The following ZNF445 variants were observed in gnomAD, a reference collection of about 807,000 sequenced individuals.
ZNF445 encodes zinc finger protein 445.
A neutral mutation model predicts 93.9 loss-of-function variants in ZNF445; 19 were observed. That is an observed-to-expected ratio of 0.20 (90% confidence interval 0.14 to 0.30). ZNF445 has a LOEUF of 0.30. ZNF445 is among the 10% of genes least tolerant of loss of function. ZNF445 has a pLI of 1.00. For missense variants in ZNF445, 1,058 were observed against 1,259.4 expected (o/e 0.84, Z 2.42); for synonymous variants, 449 against 446.3 (o/e 1.01, Z -0.08).
rs1697556803 is a variant in ZNF445, at chr3:44,431,881, AATGAAT to A, written c.*14688_*14693del. On this transcript the variant is annotated 3_prime_UTR_variant, in exon 8 of 8. Transcript: ENST00000396077. ...AACAACCACAGACAATATGTAAATG[AATGAAT>A]ATATCTGAAGATTATATGAAATTTA... 1 of 152,212 alleles carries A rather than the reference AATGAAT, an allele frequency of 6.6e-6. No individual in the cohort carries two copies. Among genetic ancestry groups the A allele is most frequent in the African/African-American group, 2.4e-5 (1 of 41,444 alleles). 9.4% of individuals were successfully genotyped at this position (152,212 alleles called of 1,614,324 possible).
At position 44,434,069 on chromosome 3, in the gene ZNF445, A is replaced by C. The variant is rs1178513390; in HGVS notation, c.*12506T>G. The C allele has an allele frequency of 6.6e-6, 1 of 152,144 alleles. No homozygotes were observed. The highest frequency in any genetic ancestry group is 1.5e-5 in the Non-Finnish European group (1 of 68,026). The allele number at this position is 152,144 out of a possible 1,614,324, so 9.4% of individuals were successfully genotyped here. A position where few individuals can be genotyped will look rare whatever the true frequency, so the allele number is the denominator to read the frequency against. On this transcript the variant is annotated 3_prime_UTR_variant, in exon 8 of 8. Coordinates refer to ENST00000396077, the MANE Select transcript of ZNF445 (RefSeq NM_181489.6). ...TTATGTGATTCAGAAAATCACATACAAAATTGTCTCGTGTCCCTTTTAAAC... is the reference window on the plus strand; with the variant it reads ...TTATGTGATTCAGAAAATCACATACCAAATTGTCTCGTGTCCCTTTTAAAC...
At chr3:44,462,254 T>C (rs551648534) in intron 1 of ZNF445, among the ~76,000 whole-genome samples, 1 of 152,314 alleles carries the variant, frequency 6.6e-6, no homozygotes, top group South Asian at 2.1e-4. Context: ...ACCAATATTG[T>C]ATGAAATTTC....
At position 44,448,734 on chromosome 3, in the gene ZNF445, C is replaced by A; in HGVS notation, c.937G>T (p.Asp313Tyr). ...GNPVAAPTGD[D>Y]LQSKTNKFIL... ...AATTTGTTTGTTTTACTCTGGAGGTCATCTCCTGACAAAAAATATAACACA... is the reference window on the plus strand; with the variant it reads ...AATTTGTTTGTTTTACTCTGGAGGTAATCTCCTGACAAAAAATATAACACA... The change falls in exon 8 of 8, where the codon GAC becomes TAC. Residue 313 changes from aspartate (D) to tyrosine (Y), a missense_variant. Transcript: ENST00000396077. 6.2e-7 allele frequency: 1 copy of A among 1,607,384 alleles called. No individual in the cohort carries two copies. Among genetic ancestry groups the A allele is most frequent in the South Asian group, 1.1e-5 (1 of 89,730 alleles).
chr3:44,438,703 CAT>C lies in ZNF445; in HGVS notation c.*7870_*7871del, dbSNP rs1429071237. The stretch of plus-strand genomic sequence containing the variant: ...ATGCAGCCATAAAAAATGATGAGTT[CAT>C]GTCCTTTGTAGGGACATGGATGAAG... On this transcript the variant is annotated 3_prime_UTR_variant, in exon 8 of 8. Transcript: ENST00000396077. The C allele has an allele frequency of 6.6e-6, 1 of 151,848 alleles. No homozygotes were observed. The highest frequency in any genetic ancestry group is 1.5e-5 in the Non-Finnish European group (1 of 67,980). The allele number at this position is 151,848 out of a possible 1,614,324, so 9.4% of individuals were successfully genotyped here. A position where few individuals can be genotyped will look rare whatever the true frequency, so the allele number is the denominator to read the frequency against.
rs1284061837 is a variant in ZNF445 at position 44,436,194 on chromosome 3, G to C, written c.*10381C>G. On this transcript the variant is annotated 3_prime_UTR_variant, in exon 8 of 8. Coordinates refer to ENST00000396077, the MANE Select transcript of ZNF445 (RefSeq NM_181489.6). ...AGATCTGGAGCTTTCCTACTTACTCGGATCAAGTAAAACTTTAGTAGGCAG... is the reference window on the plus strand; with the variant it reads ...AGATCTGGAGCTTTCCTACTTACTCCGATCAAGTAAAACTTTAGTAGGCAG... The C allele has an allele frequency of 6.6e-6, 1 of 152,104 alleles. No individual in the cohort carries two copies. Among genetic ancestry groups the C allele is most frequent in the African/African-American group, 2.4e-5 (1 of 41,420 alleles). The allele number at this position is 152,104 out of a possible 1,614,324, so 9.4% of individuals were successfully genotyped here.
At position 44,440,253 on chromosome 3, in the gene ZNF445, G is replaced by A. The variant is rs879104776; in HGVS notation, c.*6322C>T. On this transcript the variant is annotated 3_prime_UTR_variant, in exon 8 of 8. Coordinates refer to ENST00000396077, the MANE Select transcript of ZNF445 (RefSeq NM_181489.6). ...AAAATCTCCTTGCTGTTCTTAGCAG[G>A]GTTAACATTAACTTTAAAAGGTGTG... 1 of 152,120 alleles carries A rather than the reference G, an allele frequency of 6.6e-6. No individual in the cohort carries two copies. The highest frequency in any genetic ancestry group is 1.5e-5 in the Non-Finnish European group (1 of 68,030). 9.4% of individuals were successfully genotyped at this position (152,120 alleles called of 1,614,324 possible).
At chr3:44,470,253 G>A (rs1302387375) in intron 1 of ZNF445, among the ~76,000 whole-genome samples, 2 of 152,186 alleles carry the variant, frequency 1.3e-5, no homozygotes, top group African/African-American at 4.8e-5. Context: ...GCCAAGTAAG[G>A]AGAGAGAAAC....
At chr3:44,451,082 C>A in intron 4 of ZNF445, 120 bp from the exon 5 acceptor site, 1 of 1,017,890 alleles carries the variant, frequency 9.8e-7, no homozygotes, top group Non-Finnish European at 1.4e-6. Context: ...TTGTTAAATA[C>A]CCATCTCACA....
chr3:44,454,215 G>GA (rs980953987), intron 3 of ZNF445, among the ~76,000 whole-genome samples: 61 of 144,852 alleles, frequency 4.2e-4, no homozygotes, highest in East Asian at 3.4e-3. Context: ...GAAAAGAAAA[G>GA]AAAAAAAAAA....
At chr3:44,453,435 C>T (rs1369430063) in intron 3 of ZNF445, among the ~76,000 whole-genome samples, 1 of 151,968 alleles carries the variant, frequency 6.6e-6, no homozygotes, top group East Asian at 1.9e-4. Context: ...GCTGGGTCTA[C>T]AGGTGCACAC....
rs1479079561 is a variant in ZNF445, at chr3:44,455,512, T to C, written c.38A>G (p.Gln13Arg). 6.2e-7 allele frequency: 1 copy of C among 1,609,634 alleles called. No homozygotes were observed. Among genetic ancestry groups the C allele is most frequent in the African/African-American group, 1.3e-5 (1 of 74,880 alleles). Residue 13 changes from glutamine to arginine, a missense_variant, in exon 3 of 8, where the codon CAG becomes CGG. Around this residue, in one of 3 missense-constraint regions of ZNF445, gnomAD observed 657 missense variants for 746.4 expected, o/e 0.88. Transcript: ENST00000396077. ...PGRWHAAYPAQAQSSRERGRL... is the reference protein window; with the variant it reads ...PGRWHAAYPARAQSSRERGRL... Reference sequence around the variant, plus strand: ...CCCTCGCTCCCTCGAAGACTGGGCCTGAGCTGGATAGGCAGCATGCCACCT... The same window carrying C: ...CCCTCGCTCCCTCGAAGACTGGGCCCGAGCTGGATAGGCAGCATGCCACCT...
In ZNF445 at chr3:44,437,401, T is replaced by C. The variant is rs999526940; in HGVS notation, c.*9174A>G. 2 of 152,078 alleles carry C rather than the reference T, an allele frequency of 1.3e-5. No homozygotes were observed. Among genetic ancestry groups the C allele is most frequent in the Non-Finnish European group, 2.9e-5 (2 of 68,038 alleles). The allele number at this position is 152,078 out of a possible 1,614,324, so 9.4% of individuals were successfully genotyped here. Reference sequence around the variant, plus strand: ...CCAGTAGGTCTCAGCCTCATTTTGTTACAGGAAAGGGGTCCCGATCCAGAC... The same window carrying C: ...CCAGTAGGTCTCAGCCTCATTTTGTCACAGGAAAGGGGTCCCGATCCAGAC... On this transcript the variant is annotated 3_prime_UTR_variant, in exon 8 of 8. Coordinates refer to ENST00000396077, the MANE Select transcript of ZNF445 (RefSeq NM_181489.6).
chr3:44,461,605 AT>A lies in ZNF445; in HGVS notation c.-268-3242del, dbSNP rs140913207. Among the ~76,000 whole-genome samples the A allele has an allele frequency of 9.0e-3, 1,375 of 152,272 alleles. 18 individuals carry two copies. Among genetic ancestry groups the A allele is most frequent in the African/African-American group, 0.032 (1,319 of 41,546 alleles). On this transcript the variant is annotated intron_variant, in intron 1 of 7. Coordinates refer to ENST00000396077, the MANE Select transcript of ZNF445 (RefSeq NM_181489.6). The stretch of plus-strand genomic sequence containing the variant: ...GCTCTTCCCCTTGCCCAGAGACCCC[AT>A]TGTGAATTAACATTCATAGGTTGTC...
At chr3:44,454,279 A>G (rs1229957999) in intron 3 of ZNF445, among the ~76,000 whole-genome samples, 7 of 152,088 alleles carry the variant, frequency 4.6e-5, no homozygotes, top group Admixed American at 4.6e-4. Flanking sequence ...CTGAGTTTTA[A>G]CATGTACTCT....
At chr3:44,454,437 G>A (rs1282586955) in intron 3 of ZNF445, among the ~76,000 whole-genome samples, 1 of 152,074 alleles carries the variant, frequency 6.6e-6, no homozygotes, top group Non-Finnish European at 1.5e-5. Context: ...ACTAGTTACT[G>A]GGCTTTTTTG....
intron 3 of ZNF445, among the ~76,000 whole-genome samples, chr3:44,453,190 CG>C (rs548759711): frequency 1.9e-3 from 292 of 151,410 alleles, no homozygotes; most frequent in African/African-American, 6.8e-3. Flanking sequence ...GGATTACAGG[CG>C]TGAGCCACCG....
Position 44,441,754 on chromosome 3 carries a change from A to G in ZNF445, c.*4821T>C, listed in dbSNP as rs1263538893. ...GTGATGCCTCTGCATCAATTTTTAG[A>G]AAAAAACAAAGAAAACACAACTGAA... On this transcript the variant is annotated 3_prime_UTR_variant, in exon 8 of 8. Coordinates refer to ENST00000396077, the MANE Select transcript of ZNF445 (RefSeq NM_181489.6). The G allele has an allele frequency of 1.3e-5, 2 of 152,156 alleles. No individual in the cohort carries two copies. Among genetic ancestry groups the G allele is most frequent in the African/African-American group, 2.4e-5 (1 of 41,424 alleles). 9.4% of individuals were successfully genotyped at this position (152,156 alleles called of 1,614,324 possible). A position where few individuals can be genotyped will look rare whatever the true frequency, so the allele number is the denominator to read the frequency against.
At chr3:44,461,297 A>T (rs1367468999) in intron 1 of ZNF445, among the ~76,000 whole-genome samples, 1 of 152,140 alleles carries the variant, frequency 6.6e-6, no homozygotes, top group African/African-American at 2.4e-5. Flanking sequence ...TGCTCCTTCT[A>T]ACCAGGAGGA....
intron 3 of ZNF445, among the ~76,000 whole-genome samples, chr3:44,452,560 C>CA (rs1697971309): frequency 6.6e-6 from 1 of 152,160 alleles, no homozygotes; most frequent in African/African-American, 2.4e-5. Flanking sequence ...AGCTTTCAAC[C>CA]AGGTAGGCCC....
Sources: allele counts gnomAD v4.1 joint callset (sites outside exome capture counted in the v4.1 genomes callset), GRCh38; gene constraint gnomAD v4.1.1; regional missense constraint gnomAD v4.1.1; transcripts MANE v1.5; gene names NCBI Gene and HGNC (gene_info 2026-07-23, HGNC 2026-07-21).